The following DLG2 variants were observed in gnomAD, a reference collection of about 807,000 sequenced individuals.
The protein encoded by DLG2 is discs large MAGUK scaffold protein 2.
In DLG2, 45 loss-of-function variants were observed where a neutral mutation model predicts 132.5. The ratio of observed to expected loss-of-function variants is 0.34; its 90% CI spans 0.27 to 0.44. The LOEUF (loss-of-function observed/expected upper bound fraction) is 0.44, where lower values mean the gene tolerates loss of function less well. Among genes scored for constraint, DLG2 ranks in the 20% least tolerant of loss-of-function variants. DLG2 has a pLI of 1.00. For missense variants in DLG2, 1,045 were observed against 1,196.9 expected (o/e 0.87, Z 1.87); for synonymous variants, 424 against 419.6 (o/e 1.01, Z -0.13).
chr11:85,517,089 G>A (rs1308073638), intron 3 of DLG2, among the ~76,000 whole-genome samples: 3 of 151,694 alleles, frequency 2.0e-5, no homozygotes, highest in Non-Finnish European at 4.4e-5. Flanking sequence ...GATCAAGTAG[G>A]GTTTATTCCA....
rs116075438 is a variant in DLG2, at chr11:85,549,341, C to T, written c.40+49316G>A. Among the ~76,000 whole-genome samples the T allele has an allele frequency of 4.3e-3, 649 of 152,236 alleles. 9 individuals carry two copies. Among genetic ancestry groups the T allele is most frequent in the African/African-American group, 0.014 (600 of 41,546 alleles). On this transcript the variant is annotated intron_variant, in intron 3 of 27. Transcript: ENST00000376104. ...TCCAACCAGTCACAATGAGATGAAC[C>T]GGTTACCTCAGCTGGAAATGCAGAA...
chr11:83,978,374 C>T (rs554539146), intron 12 of DLG2, among the ~76,000 whole-genome samples: 6 of 152,038 alleles, frequency 3.9e-5, no homozygotes, highest in South Asian at 2.1e-4. Context: ...GAGAACGAAA[C>T]GGTCTTCATT....
intron 6 of DLG2, among the ~76,000 whole-genome samples, chr11:84,855,349 A>T (rs1448920227): frequency 6.6e-6 from 1 of 152,076 alleles, no homozygotes; most frequent in African/African-American, 2.4e-5. Flanking sequence ...GCTCCTTACT[A>T]TATTTATTGA....
intron 6 of DLG2, among the ~76,000 whole-genome samples, chr11:84,678,821 C>A (rs972710907): frequency 6.6e-6 from 1 of 151,988 alleles, no homozygotes; most frequent in Non-Finnish European, 1.5e-5. Context: ...CTTTTCCTGT[C>A]CTCATAGCCA....
chr11:83,793,685 C>A (rs2042119569), intron 17 of DLG2, among the ~76,000 whole-genome samples: 2 of 152,142 alleles, frequency 1.3e-5, no homozygotes, highest in African/African-American at 4.8e-5. Flanking sequence ...CTTCTTTGAA[C>A]CTTAGCTTCC....
intron 6 of DLG2, among the ~76,000 whole-genome samples, chr11:85,090,453 C>T (rs895930258): frequency 6.6e-6 from 1 of 152,232 alleles, no homozygotes; most frequent in African/African-American, 2.4e-5. Flanking sequence ...AGACATCCCA[C>T]TGGACGTCTC....
chr11:83,850,239 C>T (rs571864860), intron 16 of DLG2, among the ~76,000 whole-genome samples: 55 of 151,732 alleles, frequency 3.6e-4, no homozygotes, highest in South Asian at 2.5e-3. Context: ...CTGCAACCTC[C>T]GCTTCCCGGG....
chr11:85,325,288 T>C (rs1214910259), intron 3 of DLG2, among the ~76,000 whole-genome samples: 10 of 152,180 alleles, frequency 6.6e-5, no homozygotes, highest in African/African-American at 1.7e-4. Flanking sequence ...AGGAGGCCTG[T>C]CTGCCTCTGT....
chr11:84,077,042 A>C (rs1337501723), intron 10 of DLG2, among the ~76,000 whole-genome samples: 2 of 152,130 alleles, frequency 1.3e-5, no homozygotes, highest in Non-Finnish European at 1.5e-5. Context: ...ATCTCTCTAT[A>C]TTCTGCATCT....
chr11:83,839,699 A>G (rs2057117895), intron 16 of DLG2, among the ~76,000 whole-genome samples: 1 of 152,228 alleles, frequency 6.6e-6, no homozygotes, highest in Non-Finnish European at 1.5e-5. Flanking sequence ...AAGCCAGAGG[A>G]GGATTCTTAA....
At chr11:83,815,595 C>A (rs1229005715) in intron 17 of DLG2, among the ~76,000 whole-genome samples, 1 of 152,072 alleles carries the variant, frequency 6.6e-6, no homozygotes, top group Non-Finnish European at 1.5e-5. Context: ...CTGCAGCCCA[C>A]CTTGGGGATA....
chr11:84,939,861 T>C (rs1263792856), intron 6 of DLG2, among the ~76,000 whole-genome samples: 1 of 152,226 alleles, frequency 6.6e-6, no homozygotes, highest in Non-Finnish European at 1.5e-5. Flanking sequence ...ATCTTGGCTA[T>C]TGTGAATAGT....
chr11:83,901,839 A>G (rs1424797975), intron 15 of DLG2, among the ~76,000 whole-genome samples: 2 of 152,202 alleles, frequency 1.3e-5, no homozygotes, highest in African/African-American at 2.4e-5. Context: ...CCACTTAACT[A>G]AGCCTTAATT....
At chr11:84,992,268 A>G (rs1238895526) in intron 6 of DLG2, among the ~76,000 whole-genome samples, 1 of 152,190 alleles carries the variant, frequency 6.6e-6, no homozygotes, top group African/African-American at 2.4e-5. Flanking sequence ...TAGGTAAGTA[A>G]TATGCATTGG....
chr11:85,295,031 CAA>C (rs925213608), intron 3 of DLG2, among the ~76,000 whole-genome samples: 1 of 152,066 alleles, frequency 6.6e-6, no homozygotes, highest in Non-Finnish European at 1.5e-5. Flanking sequence ...TAAATAAACT[CAA>C]GATATTGTTA....
intron 6 of DLG2, among the ~76,000 whole-genome samples, chr11:84,569,655 A>C (rs1234386972): frequency 6.6e-6 from 1 of 152,234 alleles, no homozygotes; most frequent in East Asian, 1.9e-4. Context: ...GTCAGTGTAC[A>C]ATATAGAATG....
chr11:84,597,247 A>G (rs1432363304), intron 6 of DLG2, among the ~76,000 whole-genome samples: 11 of 152,286 alleles, frequency 7.2e-5, no homozygotes, highest in African/African-American at 2.6e-4. Flanking sequence ...AAAAAAATGA[A>G]TGAATCTCTT....
intron 8 of DLG2, among the ~76,000 whole-genome samples, chr11:84,220,332 TAGTA>T (rs1352308036): frequency 6.6e-6 from 1 of 152,156 alleles, no homozygotes; most frequent in Non-Finnish European, 1.5e-5. Flanking sequence ...AGTAAGTGCT[TAGTA>T]AGTATCTATA....
At chr11:83,914,966 A>G (rs1481837879) in intron 15 of DLG2, among the ~76,000 whole-genome samples, 1 of 152,134 alleles carries the variant, frequency 6.6e-6, no homozygotes, top group Non-Finnish European at 1.5e-5. Flanking sequence ...AAGAGAAGGA[A>G]GGAATCACTG....
Sources: allele counts gnomAD v4.1 joint callset (sites outside exome capture counted in the v4.1 genomes callset), GRCh38; gene constraint gnomAD v4.1.1; transcripts MANE v1.5; gene names NCBI Gene and HGNC (gene_info 2026-07-23, HGNC 2026-07-21).